MSH4: variants seen among roughly 807,000 people sequenced by gnomAD.
The protein encoded by MSH4 is mutS homolog 4, also known as mutS protein homolog 4.
A neutral mutation model predicts 113.7 loss-of-function variants in MSH4; 106 were observed. The ratio of observed to expected loss-of-function variants is 0.93; its 90% CI spans 0.80 to 1.10. The LOEUF is 1.10. Among genes scored for constraint, MSH4 ranks in the 50% least tolerant of loss-of-function variants. The pLI, the probability that MSH4 is intolerant of heterozygous loss-of-function variation, is 0.00. For missense variants in MSH4, 1,061 were observed against 1,093.7 expected, an observed-to-expected ratio of 0.97 and a Z score of 0.42; for synonymous variants, 368 against 380.2, an observed-to-expected ratio of 0.97 and a Z score of 0.37.
At chr1:75,867,444 C>T in intron 8 of MSH4, 70 bp from the exon 9 acceptor site, 1 of 841,968 alleles carries the variant, frequency 1.2e-6, no homozygotes, top group Admixed American at 2.3e-5. Flanking sequence ...TAAGAATGTT[C>T]AAGAGGAAAA....
rs2881857 is a variant in MSH4 at position 75,912,677 on chromosome 1, T to A, written c.2620-19T>A. ...GTATTTGTGTATATATATATATATT[T>A]TTTTTTTTTCAATGACAGCAAAACC... On this transcript the variant is annotated intron_variant, in intron 19 of 19. Transcript: ENST00000263187. The A allele has an allele frequency of 0.21, 254,790 of 1,187,928 alleles. 29,631 individuals are homozygous for A. Among genetic ancestry groups the A allele is most frequent in the Admixed American group, 0.24 (5,080 of 21,448 alleles). 73.6% of individuals were successfully genotyped at this position (1,187,928 alleles called of 1,614,324 possible). A position where few individuals can be genotyped will look rare whatever the true frequency, so the allele number is the denominator to read the frequency against.
chr1:75,886,477 T>TATATATGATGTATTATATATTACATATA (rs1557524932), intron 15 of MSH4, among the ~76,000 whole-genome samples: 1 of 125,300 alleles, frequency 8.0e-6, no homozygotes, highest in Non-Finnish European at 1.6e-5. Context: ...TTATATATAA[T>TATATATGATGTATTATATATTACATATA]ATATATGATG....
intron 3 of MSH4, among the ~76,000 whole-genome samples, chr1:75,808,997 C>T (rs1650128841): frequency 6.6e-6 from 1 of 152,126 alleles, no homozygotes; most frequent in South Asian, 2.1e-4. Flanking sequence ...GATCGTGACT[C>T]ACTGCAGCCT....
chr1:75,900,853 T>C (rs1484336130), intron 19 of MSH4, among the ~76,000 whole-genome samples: 1 of 152,166 alleles, frequency 6.6e-6, no homozygotes, highest in African/African-American at 2.4e-5. Flanking sequence ...CCTAACTCTT[T>C]AGAGTTCATC....
intron 15 of MSH4, 88 bp from the exon 16 acceptor site, chr1:75,889,163 C>T: frequency 1.5e-6 from 1 of 666,736 alleles, no homozygotes; most frequent in Non-Finnish European, 2.6e-6. Flanking sequence ...CCATATAATC[C>T]TTGTAAATAA....
intron 8 of MSH4, among the ~76,000 whole-genome samples, chr1:75,849,224 G>A (rs1651138275): frequency 6.6e-6 from 1 of 152,144 alleles, no homozygotes; most frequent in Admixed American, 6.6e-5. Context: ...GAGCCACCAT[G>A]CTTGGCCAAG....
chr1:75,799,543 T>C (rs185315629), intron 1 of MSH4, among the ~76,000 whole-genome samples: 29 of 152,336 alleles, frequency 1.9e-4, no homozygotes, highest in African/African-American at 7.0e-4. Context: ...CTTGAACTGG[T>C]CTTCAAGAAT....
At chr1:75,897,170 T>A (rs1652403818) in intron 17 of MSH4, among the ~76,000 whole-genome samples, 1 of 152,208 alleles carries the variant, frequency 6.6e-6, no homozygotes, top group Non-Finnish European at 1.5e-5. Flanking sequence ...TTGTGCTGGC[T>A]GTAAGTCACT....
In MSH4 at chr1:75,822,571, A is replaced by G. The variant is rs770116736; in HGVS notation, c.1152A>G (p.Gly384=). The part of the protein sequence containing the change: ...ELLQDEELFF[G]LQSVISRFLD... ...TTCAAGATGAGGAACTATTTTTTGG[A>G]CTTCAATCAGGTAAATCAATATTAT... The change falls in exon 7 of 20, where the codon GGA becomes GGG. Residue 384 remains glycine (G), a synonymous_variant. Transcript: ENST00000263187. The G allele has an allele frequency of 2.0e-6, 3 of 1,495,634 alleles. No individual in the cohort carries two copies. The highest frequency in any genetic ancestry group is 2.7e-6 in the Non-Finnish European group (3 of 1,120,304). The allele number at this position is 1,495,634 out of a possible 1,614,324, so 92.6% of individuals were successfully genotyped here. A position where few individuals can be genotyped will look rare whatever the true frequency, so the allele number is the denominator to read the frequency against.
At chr1:75,849,680 A>T (rs1404629071) in intron 8 of MSH4, among the ~76,000 whole-genome samples, 1 of 152,196 alleles carries the variant, frequency 6.6e-6, no homozygotes, top group East Asian at 1.9e-4. Context: ...GATGTTTGGA[A>T]TTAAATTAGC....
chr1:75,844,822 T>C (rs1651041489), intron 7 of MSH4, among the ~76,000 whole-genome samples: 1 of 152,198 alleles, frequency 6.6e-6, no homozygotes, highest in South Asian at 2.1e-4. Flanking sequence ...AGTAATAAAA[T>C]ACCTGAGACT....
intron 7 of MSH4, among the ~76,000 whole-genome samples, chr1:75,834,997 A>C (rs1650797801): frequency 6.6e-6 from 1 of 152,214 alleles, no homozygotes; most frequent in African/African-American, 2.4e-5. Context: ...GTCCACTGGC[A>C]TGGTGGTGCA....
At chr1:75,878,966 T>C in intron 11 of MSH4, 26 bp from the exon 12 acceptor site, 1 of 1,582,992 alleles carries the variant, frequency 6.3e-7, no homozygotes, top group Non-Finnish European at 8.6e-7. Context: ...TGTTTTGTTT[T>C]TGTTTTTCTT....
intron 7 of MSH4, among the ~76,000 whole-genome samples, chr1:75,827,824 G>A (rs1650591202): frequency 2.6e-5 from 4 of 152,130 alleles, no homozygotes; most frequent in Admixed American, 2.6e-4. Flanking sequence ...AAATATACAT[G>A]CACCCAATAC....
intron 7 of MSH4, among the ~76,000 whole-genome samples, chr1:75,822,944 T>C (rs898917307): frequency 1.3e-5 from 2 of 152,220 alleles, no homozygotes; most frequent in African/African-American, 4.8e-5. Flanking sequence ...ATTAGTTTCC[T>C]AGGCTGCTCT....
intron 3 of MSH4, among the ~76,000 whole-genome samples, chr1:75,808,421 T>C (rs1372392059): frequency 6.6e-6 from 1 of 152,228 alleles, no homozygotes; most frequent in South Asian, 2.1e-4. Flanking sequence ...TATTTTATTG[T>C]GTAAAGTGGC....
At position 75,845,316 on chromosome 1, in the gene MSH4, A is replaced by G. The variant is rs541777775; in HGVS notation, c.1163-2893A>G. Among the ~76,000 whole-genome samples, 4 of 152,346 alleles carry G rather than the reference A, an allele frequency of 2.6e-5. No homozygotes were observed. The East Asian group carries it at 7.7e-4, about 29-fold the overall frequency. Reference sequence around the variant, plus strand: ...GTCCAGAATCTCATCTGAATCAGATATGTGAGACTCAAGGCATGATTCCTC... The same window carrying G: ...GTCCAGAATCTCATCTGAATCAGATGTGTGAGACTCAAGGCATGATTCCTC... On this transcript the variant is annotated intron_variant, in intron 7 of 19. Coordinates refer to ENST00000263187, the MANE Select transcript of MSH4 (RefSeq NM_002440.4).
At chr1:75,884,896 GTC>G (rs1383739279) in intron 15 of MSH4, among the ~76,000 whole-genome samples, 1 of 151,282 alleles carries the variant, frequency 6.6e-6, no homozygotes, top group Admixed American at 6.6e-5. Flanking sequence ...TAAGAATACT[GTC>G]TGATTCATGT....
intron 19 of MSH4, 87 bp from the exon 20 acceptor site, chr1:75,912,608 AG>A (rs770064257): frequency 1.7e-5 from 14 of 807,852 alleles, no homozygotes; most frequent in Non-Finnish European, 2.4e-5. Flanking sequence ...TGTCTATGGA[AG>A]GAGATAGAAT....
Sources: allele counts gnomAD v4.1 joint callset (sites outside exome capture counted in the v4.1 genomes callset), GRCh38; gene constraint gnomAD v4.1.1; transcripts MANE v1.5; gene names NCBI Gene and HGNC (gene_info 2026-07-23, HGNC 2026-07-21).